The following SCAF11 variants were observed in gnomAD, a reference collection of about 807,000 sequenced individuals.
The protein encoded by SCAF11 is protein SCAF11.
Under a neutral mutation model 140.5 loss-of-function variants are expected in SCAF11, and 47 were observed. The ratio of observed to expected loss-of-function variants is 0.33; its 90% CI spans 0.26 to 0.43. The LOEUF (loss-of-function observed/expected upper bound fraction) is 0.43. Ranked by LOEUF, SCAF11 falls within the 20% of genes least tolerant of loss-of-function variation. The pLI, the probability that SCAF11 is intolerant of heterozygous loss-of-function variation, is 1.00. For synonymous variants in SCAF11, 557 were observed against 579.4 expected (o/e 0.96, Z 0.55); for missense variants, 1,645 against 1,705.1 (o/e 0.96, Z 0.62).
intron 1 of SCAF11, among the ~76,000 whole-genome samples, chr12:45,972,026 A>T (rs982711884): frequency 6.6e-6 from 1 of 152,140 alleles, no homozygotes; most frequent in African/African-American, 2.4e-5. Context: ...AGAAAGTAAC[A>T]GCTGTTTTTG....
intron 1 of SCAF11, among the ~76,000 whole-genome samples, chr12:45,987,738 G>A (rs1946492459): frequency 6.6e-6 from 1 of 152,106 alleles, no homozygotes. Context: ...ATAGGAGTAT[G>A]GAATTTACTA....
chr12:45,946,641 GAA>G (rs55966315), intron 5 of SCAF11, among the ~76,000 whole-genome samples: 8 of 146,942 alleles, frequency 5.4e-5, no homozygotes, highest in African/African-American at 1.8e-4. Flanking sequence ...TTTTGAGGGA[GAA>G]AAAAAAAAAT....
In SCAF11 at chr12:45,944,910, C is replaced by T. The variant is rs79688489; in HGVS notation, c.463+339G>A. Among the ~76,000 whole-genome samples the T allele has an allele frequency of 4.1e-3, 628 of 152,198 alleles. 6 individuals are homozygous for T. The highest frequency in any genetic ancestry group is 0.013 in the African/African-American group (548 of 41,524). On this transcript the variant is annotated intron_variant, in intron 6 of 14. Coordinates refer to ENST00000369367, the MANE Select transcript of SCAF11 (RefSeq NM_004719.3). Reference sequence around the variant, plus strand: ...TTGCTACTGCTTACAGTAACTGGCCCACAAGGTATTTAATCTCATCTCCCC... The same window carrying T: ...TTGCTACTGCTTACAGTAACTGGCCTACAAGGTATTTAATCTCATCTCCCC...
chr12:45,924,595 AAGGTT>A (rs2136496820), intron 12 of SCAF11, 128 bp downstream of exon 12: 1 of 697,180 alleles, frequency 1.4e-6, no homozygotes, highest in Admixed American at 3.0e-5. Flanking sequence ...AGGGATTATG[AAGGTT>A]TACCATAACT....
At chr12:45,953,842 T>C in intron 3 of SCAF11, 1 of 931,530 alleles carries the variant, frequency 1.1e-6, no homozygotes, top group Non-Finnish European at 1.5e-6. Context: ...AAGGTTTTTA[T>C]GGGAATAAAT....
At chr12:45,947,805 T>C (rs1945460011) in intron 5 of SCAF11, among the ~76,000 whole-genome samples, 1 of 152,160 alleles carries the variant, frequency 6.6e-6, no homozygotes, top group Non-Finnish European at 1.5e-5. Flanking sequence ...ACTTCCTAAG[T>C]AGCTGGAACT....
chr12:45,940,769 A>G (rs1565669968), intron 6 of SCAF11, among the ~76,000 whole-genome samples: 1 of 152,154 alleles, frequency 6.6e-6, no homozygotes, highest in Non-Finnish European at 1.5e-5. Context: ...AATTGTGTCT[A>G]CTTGCATAGC....
rs1035836510 is a variant in SCAF11 at position 45,990,279 on chromosome 12, C to T, written c.-22+74G>A. The T allele has an allele frequency of 3.8e-5, 47 of 1,230,282 alleles. No individual in the cohort carries two copies. The African/African-American group carries it at 6.2e-4, about 16-fold the overall frequency. 76.2% of individuals were successfully genotyped at this position (1,230,282 alleles called of 1,614,324 possible). ...GCCCTAGGCCCGCTCCAGCGCTCTG[C>T]GCCGGCCGCTAACCCTCGTCTCTCC... On this transcript the variant is annotated intron_variant, in intron 1 of 14. Coordinates refer to ENST00000369367, the MANE Select transcript of SCAF11 (RefSeq NM_004719.3).
intron 6 of SCAF11, among the ~76,000 whole-genome samples, chr12:45,939,597 C>G (rs560231407): frequency 1.6e-4 from 24 of 152,270 alleles, no homozygotes; most frequent in African/African-American, 5.3e-4. Flanking sequence ...ACTTGGGAGG[C>G]TGAGACAGAA....
intron 5 of SCAF11, among the ~76,000 whole-genome samples, chr12:45,945,797 T>C (rs1945409336): frequency 6.6e-6 from 1 of 152,084 alleles, no homozygotes; most frequent in African/African-American, 2.4e-5. Flanking sequence ...CCTCCCTAAG[T>C]GCTGGAATTA....
chr12:45,944,853 G>A (rs758903182), intron 6 of SCAF11, among the ~76,000 whole-genome samples: 61 of 152,320 alleles, frequency 4.0e-4, no homozygotes, highest in African/African-American at 1.3e-3. Context: ...TTCAGGAACT[G>A]TGAATTACTT....
chr12:45,943,800 G>C (rs1020479689), intron 6 of SCAF11, among the ~76,000 whole-genome samples: 6 of 152,160 alleles, frequency 3.9e-5, no homozygotes, highest in Non-Finnish European at 7.3e-5. Context: ...ATCTTAAGTA[G>C]ATACAGCATT....
intron 3 of SCAF11, chr12:45,960,485 G>A (rs1057037853): frequency 6.6e-6 from 1 of 151,784 alleles, no homozygotes; most frequent in Non-Finnish European, 1.5e-5. Context: ...TTATTTGGGT[G>A]GCAGAAAAAA....
chr12:45,922,655 G>A, intron 13 of SCAF11, 73 bp from the exon 14 acceptor site: 2 of 1,397,724 alleles, frequency 1.4e-6, no homozygotes, highest in East Asian at 2.3e-5. Context: ...ACAAGAAATT[G>A]AAAATACTTC....
At chr12:45,948,366 T>A (rs1419515346) in intron 5 of SCAF11, 71 bp downstream of exon 5, 2 of 979,476 alleles carry the variant, frequency 2.0e-6, no homozygotes, top group East Asian at 2.4e-5. Flanking sequence ...TTCATTTTTT[T>A]AATACCTTTT....
intron 6 of SCAF11, among the ~76,000 whole-genome samples, chr12:45,941,872 G>A (rs562553552): frequency 1.3e-5 from 2 of 152,304 alleles, no homozygotes; most frequent in East Asian, 3.9e-4. Flanking sequence ...TACACTGAGT[G>A]TGCTTGCCTC....
chr12:45,940,690 GA>G (rs1945275121), intron 6 of SCAF11, among the ~76,000 whole-genome samples: 1 of 152,040 alleles, frequency 6.6e-6, no homozygotes, highest in Admixed American at 6.6e-5. Context: ...CATCCTTTTG[GA>G]ATACTTCAAC....
At chr12:45,954,965 T>TTAAGCATAACTTAAGCATAAC (rs2136590248) in intron 3 of SCAF11, 1 of 151,884 alleles carries the variant, frequency 6.6e-6, no homozygotes, top group African/African-American at 2.4e-5. Flanking sequence ...CATAATTGTC[T>TTAAGCATAACTTAAGCATAAC]TAGGTTTGCC....
chr12:45,953,477 G>A (rs1397999353), intron 3 of SCAF11, among the ~76,000 whole-genome samples: 3 of 152,134 alleles, frequency 2.0e-5, no homozygotes, highest in African/African-American at 7.2e-5. Flanking sequence ...CTAGGAGTTC[G>A]AGGCTGTAGT....
Sources: gnomAD v4.1 joint callset for allele counts (sites outside exome capture counted in the v4.1 genomes callset) on GRCh38, gnomAD v4.1.1 for gene constraint, MANE v1.5 for transcripts, NCBI Gene and HGNC (gene_info 2026-07-23, HGNC 2026-07-21) for gene names.